POFUT3: variants seen among roughly 807,000 people sequenced by gnomAD.
POFUT3 encodes the protein GDP-fucose protein O-fucosyltransferase 3.
the POFUT3 span, among the ~76,000 whole-genome samples, chr8:33,411,921 A>T: frequency 6.6e-6 from 1 of 152,230 alleles, no homozygotes; most frequent in Non-Finnish European, 1.5e-5. Flanking sequence ...GAACTCTGAC[A>T]CTCAAAGTCT....
the POFUT3 span, among the ~76,000 whole-genome samples, chr8:33,467,833 C>G: frequency 6.6e-6 from 1 of 152,122 alleles, no homozygotes. Flanking sequence ...CCATTCAGGC[C>G]AGTTGAAGGT....
At chr8:33,381,626 A>T in the POFUT3 span, among the ~76,000 whole-genome samples, 1 of 152,212 alleles carries the variant, frequency 6.6e-6, no homozygotes, top group Non-Finnish European at 1.5e-5. Context: ...CTTATGCTAG[A>T]AAGCGTTAAA....
At chr8:33,345,270 AG>A in the POFUT3 span, among the ~76,000 whole-genome samples, 2 of 152,208 alleles carry the variant, frequency 1.3e-5, no homozygotes, top group Non-Finnish European at 2.9e-5. Flanking sequence ...AGGGTGATTC[AG>A]ACACTAAAAT....
At chr8:33,380,028 CTA>C in the POFUT3 span, among the ~76,000 whole-genome samples, 18 of 65,802 alleles carry the variant, frequency 2.7e-4, no homozygotes, top group South Asian at 4.8e-4. Flanking sequence ...TATATATATA[CTA>C]TATATATACG....
the POFUT3 span, among the ~76,000 whole-genome samples, chr8:33,362,969 T>C: frequency 1.3e-5 from 2 of 152,190 alleles, no homozygotes; most frequent in African/African-American, 2.4e-5. Flanking sequence ...AGAATATACA[T>C]TCTTCTCAGC....
At chr8:33,341,823 C>A in the POFUT3 span, among the ~76,000 whole-genome samples, 8 of 152,110 alleles carry the variant, frequency 5.3e-5, no homozygotes, top group Non-Finnish European at 1.2e-4. Context: ...CTTTGGGGAG[C>A]CAAGGCAGGA....
chr8:33,309,181 TATATATATATATATATATACAC>T, the POFUT3 span, among the ~76,000 whole-genome samples: 2 of 106,082 alleles, frequency 1.9e-5, no homozygotes, highest in African/African-American at 8.7e-5. Flanking sequence ...TATATATATA[TATATATATATATATATATACAC>T]ACACATATTT....
the POFUT3 span, among the ~76,000 whole-genome samples, chr8:33,358,411 G>A: frequency 6.6e-6 from 1 of 152,106 alleles, no homozygotes; most frequent in African/African-American, 2.4e-5. Context: ...TAAAAAATAC[G>A]TGCAATTCTC....
the POFUT3 span, among the ~76,000 whole-genome samples, chr8:33,408,265 A>G: frequency 1.3e-5 from 2 of 151,732 alleles, no homozygotes; most frequent in Non-Finnish European, 2.9e-5. Flanking sequence ...TCAAGGTTGC[A>G]GTGAGCTATG....
chr8:33,338,686 A>G, the POFUT3 span, among the ~76,000 whole-genome samples: 3 of 152,174 alleles, frequency 2.0e-5, no homozygotes, highest in African/African-American at 7.2e-5. Flanking sequence ...CTGAACTTCC[A>G]CAGACACTGC....
At chr8:33,411,848 A>T in the POFUT3 span, among the ~76,000 whole-genome samples, 4 of 152,202 alleles carry the variant, frequency 2.6e-5, no homozygotes, top group Non-Finnish European at 5.9e-5. Context: ...GGATTCATCT[A>T]CAACACGGTC....
chr8:33,376,628 G>T, the POFUT3 span, among the ~76,000 whole-genome samples: 39 of 152,298 alleles, frequency 2.6e-4, no homozygotes, highest in East Asian at 7.3e-3. Flanking sequence ...AACTTGAGCA[G>T]GAATTCTTTA....
At chr8:33,367,718 C>T in the POFUT3 span, among the ~76,000 whole-genome samples, 1 of 149,006 alleles carries the variant, frequency 6.7e-6, no homozygotes, top group Non-Finnish European at 1.5e-5. Context: ...GTAAAACTGG[C>T]TTTTTTTTTT....
chr8:33,403,698 C>A, the POFUT3 span, among the ~76,000 whole-genome samples: 1 of 151,936 alleles, frequency 6.6e-6, no homozygotes, highest in African/African-American at 2.4e-5. Flanking sequence ...TCCCAGCCTG[C>A]GTGGGAGAGT....
chr8:33,333,734 A>C, the POFUT3 span, among the ~76,000 whole-genome samples: 10 of 152,084 alleles, frequency 6.6e-5, no homozygotes, highest in Non-Finnish European at 1.2e-4. Context: ...ATGACACTGG[A>C]CCCGGGGAGC....
At chr8:33,372,780 C>T in the POFUT3 span, 3 of 1,613,922 alleles carry the variant, frequency 1.9e-6, no homozygotes, top group African/African-American at 2.7e-5. Flanking sequence ...GTATCTTCTG[C>T]CTCCCATCTT....
the POFUT3 span, chr8:33,452,859 A>G: frequency 3.2e-5 from 7 of 217,248 alleles, no homozygotes; most frequent in Non-Finnish European, 4.5e-5. Context: ...TATATTATCT[A>G]TATTTTTTGT....
the POFUT3 span, among the ~76,000 whole-genome samples, chr8:33,341,261 C>G: frequency 6.6e-6 from 1 of 151,456 alleles, no homozygotes; most frequent in South Asian, 2.1e-4. Flanking sequence ...ATAGTGAAAC[C>G]CTGTCTCTAC....
At chr8:33,450,645 C>G in the POFUT3 span, among the ~76,000 whole-genome samples, 3 of 152,234 alleles carry the variant, frequency 2.0e-5, no homozygotes, top group East Asian at 5.8e-4. Flanking sequence ...TTACACAGAG[C>G]CTTGAATGCC....
Sources: allele counts gnomAD v4.1 joint callset (sites outside exome capture counted in the v4.1 genomes callset), GRCh38; gene constraint gnomAD v4.1.1; transcripts MANE v1.5; gene names NCBI Gene and HGNC (gene_info 2026-07-23, HGNC 2026-07-21).